Variants in NBEA observed in about 807,000 individuals in gnomAD.
NBEA encodes neurobeachin, also known as lysosomal-trafficking regulator 2.
A neutral mutation model predicts 343.4 loss-of-function variants in NBEA; 44 were observed. The ratio of observed to expected loss-of-function variants is 0.13; its 90% CI spans 0.10 to 0.16. The LOEUF is 0.16. Among genes scored for constraint, NBEA ranks in the 10% least tolerant of loss-of-function variants. NBEA has a pLI of 1.00. For missense variants in NBEA, 2,555 were observed against 3,631.3 expected (o/e 0.70, Z 7.62); for synonymous variants, 1,175 against 1,238.7 (o/e 0.95, Z 1.08).
At chr13:35,330,870 A>G (rs2038885547) in intron 36 of NBEA, among the ~76,000 whole-genome samples, 1 of 152,172 alleles carries the variant, frequency 6.6e-6, no homozygotes, top group South Asian at 2.1e-4. Context: ...AAGTCTCAAA[A>G]TAGCCTGCTA....
chr13:35,414,891 T>C (rs1314066284), intron 38 of NBEA, among the ~76,000 whole-genome samples: 3 of 152,182 alleles, frequency 2.0e-5, no homozygotes, highest in Admixed American at 2.0e-4. Context: ...CTCCAGCACC[T>C]GTTGTTTCCT....
intron 36 of NBEA, among the ~76,000 whole-genome samples, chr13:35,331,191 G>A (rs1357358202): frequency 1.3e-5 from 2 of 151,928 alleles, no homozygotes; most frequent in Non-Finnish European, 2.9e-5. Flanking sequence ...GTACTTTTTA[G>A]TGACACCAGA....
chr13:35,628,909 C>T (rs1439850905), intron 49 of NBEA, among the ~76,000 whole-genome samples: 1 of 152,028 alleles, frequency 6.6e-6, no homozygotes, highest in Non-Finnish European at 1.5e-5. Context: ...CAGAGCGAGA[C>T]CCTATCTCAA....
intron 40 of NBEA, 92 bp downstream of exon 40, chr13:35,452,327 A>G: frequency 1.1e-6 from 1 of 924,402 alleles, no homozygotes; most frequent in Non-Finnish European, 1.7e-6. Context: ...AATGTGTGCC[A>G]ATGGTTGTAA....
intron 34 of NBEA, among the ~76,000 whole-genome samples, chr13:35,243,281 C>T (rs1051722050): frequency 2.6e-5 from 4 of 151,436 alleles, no homozygotes; most frequent in East Asian, 3.9e-4. Context: ...AGAAATTACA[C>T]GAAAGAACAA....
intron 55 of NBEA, 143 bp from the exon 56 acceptor site, chr13:35,664,942 G>A: frequency 1.6e-6 from 1 of 619,864 alleles, no homozygotes; most frequent in Non-Finnish European, 2.9e-6. Context: ...AGAGCAGAGA[G>A]GTTAAGTAAC....
At chr13:35,298,221 A>G (rs879336608) in intron 35 of NBEA, among the ~76,000 whole-genome samples, 31,083 of 77,378 alleles carry the variant, frequency 0.4, 4,119 homozygotes, top group South Asian at 0.47. Flanking sequence ...GTATATATAT[A>G]TATATATATA....
chr13:35,544,885 G>T (rs1011190662), intron 41 of NBEA, among the ~76,000 whole-genome samples: 1 of 152,152 alleles, frequency 6.6e-6, no homozygotes, highest in African/African-American at 2.4e-5. Context: ...AATGAAACTG[G>T]ATGGGATAGT....
At chr13:35,609,305 A>C (rs1188659334) in intron 48 of NBEA, among the ~76,000 whole-genome samples, 28 of 152,348 alleles carry the variant, frequency 1.8e-4, no homozygotes, top group Non-Finnish European at 1.9e-4. Context: ...TCCCAGGACT[A>C]GGCCACATTT....
chr13:35,031,501 C>CT (rs139771156), intron 1 of NBEA, among the ~76,000 whole-genome samples: 6,394 of 150,318 alleles, frequency 0.043, 229 homozygotes, highest in African/African-American at 0.095. Flanking sequence ...TACTTTTTTT[C>CT]TTTTTTTTTA....
At chr13:35,469,167 C>T (rs2075534817) in intron 40 of NBEA, among the ~76,000 whole-genome samples, 1 of 143,936 alleles carries the variant, frequency 6.9e-6, no homozygotes, top group Non-Finnish European at 1.5e-5. Flanking sequence ...ATTAAGATTT[C>T]TGTGCTTGAA....
intron 34 of NBEA, among the ~76,000 whole-genome samples, chr13:35,244,266 C>G (rs569960395): frequency 6.6e-6 from 1 of 151,776 alleles, no homozygotes; most frequent in African/African-American, 2.4e-5. Flanking sequence ...TGCCACTCAC[C>G]TTATAAAAAA....
chr13:35,445,864 C>T (rs1046441543), intron 39 of NBEA, among the ~76,000 whole-genome samples: 6 of 142,830 alleles, frequency 4.2e-5, no homozygotes, highest in African/African-American at 1.3e-4. Flanking sequence ...ATGTGCACAG[C>T]GTGCAGGTTT....
intron 38 of NBEA, among the ~76,000 whole-genome samples, chr13:35,372,553 A>G (rs529527818): frequency 2.0e-5 from 3 of 152,210 alleles, no homozygotes; most frequent in African/African-American, 7.2e-5. Flanking sequence ...CCCCCAGTGA[A>G]TTGCTTGGAT....
At position 35,242,356 on chromosome 13, in the gene NBEA, CT is replaced by C. The variant is rs1283044795; in HGVS notation, c.5776+9738del. On this transcript the variant is annotated intron_variant, in intron 34 of 58. Coordinates refer to ENST00000379939, the MANE Select transcript of NBEA (RefSeq NM_001385012.1). ...CTTGAAGACAGGTCATATGAAATTACTGAGCTAGAGGACCAAGACAAACAGA... is the reference window on the plus strand; with the variant it reads ...CTTGAAGACAGGTCATATGAAATTACGAGCTAGAGGACCAAGACAAACAGA... Among the ~76,000 whole-genome samples the C allele has an allele frequency of 3.3e-5, 5 of 151,780 alleles. No homozygotes were observed. The East Asian group carries it at 9.6e-4, about 29-fold the overall frequency.
intron 34 of NBEA, among the ~76,000 whole-genome samples, chr13:35,267,681 A>G (rs2033799023): frequency 1.3e-5 from 2 of 151,892 alleles, no homozygotes; most frequent in South Asian, 2.1e-4. Context: ...AAAAAGCACA[A>G]AAGACTTGAG....
intron 41 of NBEA, among the ~76,000 whole-genome samples, chr13:35,497,583 G>A (rs2076729346): frequency 3.3e-5 from 5 of 151,964 alleles, no homozygotes; most frequent in Admixed American, 3.3e-4. Context: ...TATCAGCAAG[G>A]TCTGCATAAA....
intron 17 of NBEA, among the ~76,000 whole-genome samples, chr13:35,138,499 G>A (rs949728338): frequency 6.2e-5 from 9 of 144,632 alleles, no homozygotes; most frequent in Non-Finnish European, 1.0e-4. Context: ...TTGCTCTGTC[G>A]CCCAGCTTGG....
intron 38 of NBEA, among the ~76,000 whole-genome samples, chr13:35,354,027 C>T (rs972471342): frequency 5.9e-5 from 9 of 152,252 alleles, no homozygotes; most frequent in African/African-American, 1.7e-4. Context: ...CTAAGGCCTT[C>T]GGTTGATTGG....
Sources: allele counts gnomAD v4.1 joint callset (sites outside exome capture counted in the v4.1 genomes callset), GRCh38; gene constraint gnomAD v4.1.1; transcripts MANE v1.5; gene names NCBI Gene and HGNC (gene_info 2026-07-23, HGNC 2026-07-21).